The following SPOCK2 variants were observed in gnomAD, a reference collection of about 807,000 sequenced individuals.
SPOCK2 encodes the protein SPARC (osteonectin), cwcv and kazal like domains proteoglycan 2, also known as testican-2.
Under a neutral mutation model 60.1 loss-of-function variants are expected in SPOCK2, and 39 were observed. That is an observed-to-expected ratio of 0.65 (90% CI 0.50 to 0.85). SPOCK2 has a LOEUF of 0.85. Among genes scored for constraint, SPOCK2 ranks in the 40% least tolerant of loss-of-function variants. The probability of loss-of-function intolerance (pLI) is 0.00; values close to 1 mark genes in which losing one functional copy is unlikely to be tolerated. For missense variants in SPOCK2, 523 were observed against 567.4 expected (o/e 0.92, Z 0.80); for synonymous variants, 217 against 231.5 (o/e 0.94, Z 0.57).
rs1018671821 is a variant in SPOCK2, at chr10:72,069,466, T to G, written c.474+846A>C. Among the ~76,000 whole-genome samples the G allele has an allele frequency of 4.0e-5, 6 of 150,864 alleles. No homozygotes were observed. The East Asian group carries it at 1.2e-3, about 29-fold the overall frequency. On this transcript the variant is annotated intron_variant, in intron 5 of 10. Coordinates refer to ENST00000373109, the MANE Select transcript of SPOCK2 (RefSeq NM_001244950.2). ...ATTATCAGCACCTGCATTTCTATGT[T>G]ACTTTTTTTTTTTTTTTTTTGGAGA...
chr10:72,068,374 A>G, intron 5 of SPOCK2, 73 bp from the exon 6 acceptor site: 3 of 1,444,756 alleles, frequency 2.1e-6, no homozygotes, highest in South Asian at 2.8e-5. Context: ...GGACACCCTC[A>G]AGCCTCTCAT....
intron 1 of SPOCK2, among the ~76,000 whole-genome samples, chr10:72,082,578 G>A (rs910312594): frequency 4.6e-5 from 7 of 152,054 alleles, no homozygotes; most frequent in Admixed American, 1.3e-4. Context: ...CTAGAGGCTG[G>A]CACAGTGGCT....
At position 72,072,166 on chromosome 10, in the gene SPOCK2, T is replaced by G. The variant is rs1246546321; in HGVS notation, c.337A>C (p.Ser113Arg). The stretch of plus-strand genomic sequence containing the variant: ...CACCTGTGCTCCAGCTTCTTGCGAC[T>G]GATGCACATGGCCCGCTGGTAGCCC... ...AQGYQRAMCI[S>R]RKKLEHRIKQ... is the part of the protein sequence containing the mutation. The change falls in exon 4 of 11, where the codon AGT becomes CGT. Residue 113 changes from serine (S) to arginine (R), a missense_variant. Coordinates refer to ENST00000373109, the MANE Select transcript of SPOCK2 (RefSeq NM_001244950.2). 1 of 1,533,972 alleles carries G rather than the reference T, an allele frequency of 6.5e-7. No homozygotes were observed. The highest frequency in any genetic ancestry group is 8.8e-7 in the Non-Finnish European group (1 of 1,140,916).
At chr10:72,067,762 G>A (rs781129913) in intron 6 of SPOCK2, 30 bp from the exon 7 acceptor site, 13 of 1,606,846 alleles carry the variant, frequency 8.1e-6, no homozygotes, top group African/African-American at 2.7e-5. Context: ...CATGGAGGGC[G>A]AATGTGCAGT....
intron 1 of SPOCK2, among the ~76,000 whole-genome samples, chr10:72,085,686 T>A (rs79756168): frequency 3.9e-5 from 6 of 152,314 alleles, no homozygotes; most frequent in Non-Finnish European, 8.8e-5. Context: ...TTTGGGGTTA[T>A]GAACAAGGTC....
chr10:72,072,007 A>G (rs1408687588), intron 4 of SPOCK2, 137 bp downstream of exon 4: 7 of 619,348 alleles, frequency 1.1e-5, no homozygotes, highest in African/African-American at 1.9e-5. Flanking sequence ...CAGATAATAC[A>G]TATTTGCTGT....
chr10:72,070,452 C>A, intron 4 of SPOCK2, 26 bp from the exon 5 acceptor site: 2 of 1,610,322 alleles, frequency 1.2e-6, no homozygotes, highest in South Asian at 1.1e-5. Flanking sequence ...GGGGGCACAC[C>A]AGGGTGGAAG....
rs1245545 is a variant in SPOCK2, at chr10:72,087,596, C to T, written c.189+544G>A. Among the ~76,000 whole-genome samples the T allele has an allele frequency of 0.36, 54,191 of 152,026 alleles. 10,038 individuals carry two copies. Among genetic ancestry groups the T allele is most frequent in the Middle Eastern group, 0.4 (119 of 294 alleles). ...CTGCTGGGACCCCAGACCCAGAGCC[C>T]CGGTCACACTCCCGTCCCATGCTGT... On this transcript the variant is annotated intron_variant, in intron 1 of 10. Coordinates refer to ENST00000373109, the MANE Select transcript of SPOCK2 (RefSeq NM_001244950.2). This position sits in a 1 kb window ranked among gnomAD's most constrained non-coding sequence, Gnocchi z 4.7.
chr10:72,063,272 G>A, intron 9 of SPOCK2, 110 bp from the exon 10 acceptor site: 3 of 1,453,468 alleles, frequency 2.1e-6, no homozygotes, highest in East Asian at 2.5e-5. Context: ...CACCCCCAGA[G>A]CCCAGCCAGA....
chr10:72,083,250 C>A (rs1192235724), intron 1 of SPOCK2, among the ~76,000 whole-genome samples: 1 of 152,214 alleles, frequency 6.6e-6, no homozygotes, highest in Non-Finnish European at 1.5e-5. Context: ...TGCTGCCCAG[C>A]CTGTGGCGGT....
At chr10:72,082,755 G>A (rs530965133) in intron 1 of SPOCK2, among the ~76,000 whole-genome samples, 103 of 151,166 alleles carry the variant, frequency 6.8e-4, no homozygotes, top group African/African-American at 2.4e-3. Flanking sequence ...TTGGGAGGCT[G>A]AGGTGGGAGG....
chr10:72,079,678 C>G (rs1840758018), intron 1 of SPOCK2, among the ~76,000 whole-genome samples: 1 of 152,198 alleles, frequency 6.6e-6, no homozygotes, highest in Non-Finnish European at 1.5e-5. Flanking sequence ...AACCCAATCT[C>G]TCCCAGCTTC....
At chr10:72,078,081 G>A (rs1011918172) in intron 1 of SPOCK2, among the ~76,000 whole-genome samples, 6 of 152,282 alleles carry the variant, frequency 3.9e-5, no homozygotes, top group Non-Finnish European at 8.8e-5. Flanking sequence ...TACCAAAATG[G>A]TAACAGTCAT....
chr10:72,079,886 G>A (rs1368223167), intron 1 of SPOCK2, among the ~76,000 whole-genome samples: 3 of 152,076 alleles, frequency 2.0e-5, no homozygotes, highest in Non-Finnish European at 4.4e-5. Context: ...CTGCCAGCAA[G>A]TGAGTCGCTT....
At chr10:72,063,289 G>T in intron 9 of SPOCK2, 127 bp from the exon 10 acceptor site, 1 of 1,367,758 alleles carries the variant, frequency 7.3e-7, no homozygotes, top group Non-Finnish European at 9.8e-7. Context: ...CAGACCGGGT[G>T]CTGACCCCCC....
intron 9 of SPOCK2, 98 bp from the exon 10 acceptor site, chr10:72,063,260 T>C (rs987292741): frequency 8.0e-6 from 12 of 1,501,768 alleles, no homozygotes; most frequent in Admixed American, 2.1e-5. Flanking sequence ...CAGAAGTCTA[T>C]ACACCCCCAG....
chr10:72,060,394 G>A lies in SPOCK2; in HGVS notation c.*2366C>T, dbSNP rs1840475690. The A allele has an allele frequency of 6.6e-6, 1 of 152,296 alleles. No homozygotes were observed. Among genetic ancestry groups the A allele is most frequent in the Admixed American group, 6.5e-5 (1 of 15,278 alleles). The allele number at this position is 152,296 out of a possible 1,614,324, so 9.4% of individuals were successfully genotyped here. ...CAGCCAGAAGACCCAGAGACAGAGA[G>A]AGCACGTGTCCCAGGAGCGGAGGGT... On this transcript the variant is annotated 3_prime_UTR_variant, in exon 11 of 11. Coordinates refer to ENST00000373109, the MANE Select transcript of SPOCK2 (RefSeq NM_001244950.2).
intron 1 of SPOCK2, chr10:72,086,648 T>A: frequency 8.1e-7 from 1 of 1,239,354 alleles, no homozygotes; most frequent in East Asian, 4.7e-5. Flanking sequence ...CTCGCGGGGC[T>A]CCAGGCTCCT....
chr10:72,071,378 G>A (rs990094011), intron 4 of SPOCK2, among the ~76,000 whole-genome samples: 4 of 152,152 alleles, frequency 2.6e-5, no homozygotes, highest in Admixed American at 2.0e-4. Flanking sequence ...CAGTAGAGAT[G>A]GGGTTTCACC....
Sources: gnomAD v4.1 joint callset for allele counts (sites outside exome capture counted in the v4.1 genomes callset) on GRCh38, gnomAD v4.1.1 for gene constraint, Gnocchi (gnomAD v3.1) non-coding constraint, MANE v1.5 for transcripts, NCBI Gene and HGNC (gene_info 2026-07-23, HGNC 2026-07-21) for gene names.